TMCO6: variants seen among roughly 807,000 people sequenced by gnomAD.
TMCO6 encodes the protein transmembrane and coiled-coil domains 6.
TMCO6 carries 47 observed loss-of-function variants against 61.8 expected under a neutral mutation model. The ratio of observed to expected loss-of-function variants is 0.76; its 90% CI spans 0.60 to 0.97. The LOEUF (loss-of-function observed/expected upper bound fraction) is 0.97, where lower values mean the gene tolerates loss of function less well. TMCO6 is among the 50% of genes least tolerant of loss of function. The pLI is 0.00. For missense variants in TMCO6, 557 were observed against 601.6 expected, an observed-to-expected ratio of 0.93 and a Z score of 0.78; for synonymous variants, 261 against 254.2, an observed-to-expected ratio of 1.03 and a Z score of -0.25.
chr5:140,634,773 G>A (rs1022322256), upstream of TMCO6, among the ~76,000 whole-genome samples: 5 of 151,842 alleles, frequency 3.3e-5, no homozygotes, highest in East Asian at 1.9e-4. Context: ...CACCACACCC[G>A]GCCTGAAAGT....
upstream of TMCO6, among the ~76,000 whole-genome samples, chr5:140,636,813 C>T (rs1020203367): frequency 3.3e-5 from 5 of 152,112 alleles, no homozygotes; most frequent in South Asian, 2.1e-4. Flanking sequence ...TAAGAATAAC[C>T]TTTTTCCTAG....
chr5:140,629,112 T>G, the TMCO6 span, among the ~76,000 whole-genome samples: 1 of 152,104 alleles, frequency 6.6e-6, no homozygotes, highest in African/African-American at 2.4e-5. Flanking sequence ...CTACTAAAAA[T>G]ACAAAAATTA....
upstream of TMCO6, chr5:140,639,318 T>G: frequency 1.7e-6 from 1 of 574,704 alleles, no homozygotes; most frequent in South Asian, 2.0e-5. Flanking sequence ...TCTGGTCTAG[T>G]GGTGCAGCGT....
chr5:140,635,920 A>G (rs1756759966), upstream of TMCO6, among the ~76,000 whole-genome samples: 1 of 152,210 alleles, frequency 6.6e-6, no homozygotes, highest in East Asian at 1.9e-4. Context: ...GTCTGAGCAG[A>G]CACTGGGCAG....
At chr5:140,645,452 G>T, downstream of TMCO6, 2 of 1,181,288 alleles carry the variant, frequency 1.7e-6, no homozygotes, top group Non-Finnish European at 2.5e-6. Context: ...GGGTAGATGA[G>T]GACAAGAACA....
chr5:140,609,726 A>T, the TMCO6 span, among the ~76,000 whole-genome samples: 1 of 151,952 alleles, frequency 6.6e-6, no homozygotes, highest in Non-Finnish European at 1.5e-5. Flanking sequence ...ATCTATGAGC[A>T]TGGGATATTA....
At chr5:140,633,195 G>T in the TMCO6 span, 2 of 1,204,472 alleles carry the variant, frequency 1.7e-6, no homozygotes, top group East Asian at 2.5e-5. Context: ...GGCTGCCTCT[G>T]ACAGTTTATG....
the TMCO6 span, among the ~76,000 whole-genome samples, chr5:140,616,949 A>G: frequency 1.9e-4 from 29 of 152,138 alleles, no homozygotes; most frequent in African/African-American, 6.3e-4. Flanking sequence ...AGGCTGAGAC[A>G]GGAGGATCAC....
chr5:140,607,507 G>A, the TMCO6 span, among the ~76,000 whole-genome samples: 5 of 152,102 alleles, frequency 3.3e-5, no homozygotes, highest in East Asian at 9.7e-4. Context: ...GAACATTTTG[G>A]TACAAAATTT....
chr5:140,618,810 GA>G, the TMCO6 span, among the ~76,000 whole-genome samples: 1 of 151,788 alleles, frequency 6.6e-6, no homozygotes, highest in African/African-American at 2.4e-5. Context: ...TATACCCTTT[GA>G]AAAAAATTAA....
rs1581457438 is a variant in TMCO6, at chr5:140,639,847, C to T, written c.194C>T (p.Thr65Ile). 2 of 1,603,672 alleles carry T rather than the reference C, an allele frequency of 1.2e-6. No homozygotes were observed. The highest frequency in any genetic ancestry group is 1.7e-6 in the Non-Finnish European group (2 of 1,176,064). The change falls in exon 2 of 12, where the codon ACC becomes ATC. Residue 65 changes from threonine to isoleucine, a missense_variant. Transcript: ENST00000394671. ...EGCVAAILGETEVQQFLRQAQ... is the reference protein window; with the variant it reads ...EGCVAAILGEIEVQQFLRQAQ... ...TGTGTGGCTGCGATCCTCGGGGAAA[C>T]CGAGGTGAGGGGGCAAGGTAGGGTG...
At chr5:140,631,916 G>A in the TMCO6 span, 3 of 1,603,410 alleles carry the variant, frequency 1.9e-6, no homozygotes, top group Admixed American at 3.4e-5. Flanking sequence ...CCACCGACAG[G>A]GTCGAACGTG....
upstream of TMCO6, among the ~76,000 whole-genome samples, chr5:140,637,233 T>A (rs1352930901): frequency 6.6e-6 from 1 of 152,040 alleles, no homozygotes; most frequent in Non-Finnish European, 1.5e-5. Flanking sequence ...ATTGGAGAGG[T>A]ATGCAGGGGT....
chr5:140,633,170 A>T, the TMCO6 span: 21 of 1,477,264 alleles, frequency 1.4e-5, no homozygotes, highest in Non-Finnish European at 1.9e-5. Context: ...CAGGCTTCAC[A>T]CTTGTGAACT....
At chr5:140,623,734 T>C in the TMCO6 span, among the ~76,000 whole-genome samples, 1 of 152,168 alleles carries the variant, frequency 6.6e-6, no homozygotes, top group Non-Finnish European at 1.5e-5. Context: ...TTAGTTGAAT[T>C]TTTATACTTA....
chr5:140,642,565 CCT>C lies in TMCO6; in HGVS notation c.604-20_604-19del. 6.2e-7 allele frequency: 1 copy of C among 1,613,922 alleles called. No homozygotes were observed. ...CTGATGACCCAGCTTCCAGTCAGAT[CCT>C]TACCCTGTCTACTTCCAGTCCCCCC... On this transcript the variant is annotated intron_variant, in intron 5 of 11. Transcript: ENST00000394671.
chr5:140,644,298 G>T, intron 10 of TMCO6, 104 bp downstream of exon 10: 1 of 1,307,288 alleles, frequency 7.6e-7, no homozygotes. Context: ...AGCAGGTGGT[G>T]GTGTGTGGCC....
chr5:140,605,077 A>G, the TMCO6 span, among the ~76,000 whole-genome samples: 8 of 152,206 alleles, frequency 5.3e-5, no homozygotes, highest in East Asian at 1.9e-4. Flanking sequence ...TTGTATTCCA[A>G]GGAATTTTAT....
chr5:140,618,593 C>T, the TMCO6 span, among the ~76,000 whole-genome samples: 2 of 151,546 alleles, frequency 1.3e-5, no homozygotes, highest in African/African-American at 4.9e-5. Context: ...ATTACATCAC[C>T]CAGGTATTAA....
Sources: allele counts gnomAD v4.1 joint callset (sites outside exome capture counted in the v4.1 genomes callset), GRCh38; gene constraint gnomAD v4.1.1; transcripts MANE v1.5; gene names NCBI Gene and HGNC (gene_info 2026-07-23, HGNC 2026-07-21).